The following PCDHA7 variants were observed in gnomAD, a reference collection of about 807,000 sequenced individuals.
PCDHA7 encodes the protein protocadherin alpha-7.
A neutral mutation model predicts 57.2 loss-of-function variants in PCDHA7; 37 were observed. The ratio of observed to expected loss-of-function variants is 0.65; its 90% CI spans 0.50 to 0.85. The LOEUF (loss-of-function observed/expected upper bound fraction) is 0.85. Ranked by LOEUF, PCDHA7 falls within the 40% of genes least tolerant of loss-of-function variation. PCDHA7 has a pLI of 0.00. For synonymous variants in PCDHA7, 553 were observed against 558.8 expected, an observed-to-expected ratio of 0.99 and a Z score of 0.15; for missense variants, 1,188 against 1,241.8, an observed-to-expected ratio of 0.96 and a Z score of 0.65.
At chr5:140,963,701 AG>A (rs1226096855) in intron 1 of PCDHA7, among the ~76,000 whole-genome samples, 2 of 152,218 alleles carry the variant, frequency 1.3e-5, no homozygotes, top group Non-Finnish European at 1.5e-5. Flanking sequence ...TGATATCTAA[AG>A]GGCCATGCTA....
intron 1 of PCDHA7, chr5:140,876,174 T>A: frequency 6.2e-7 from 1 of 1,613,934 alleles, no homozygotes; most frequent in Non-Finnish European, 8.5e-7. Context: ...CCGTCCTGGA[T>A]GTGAATGACA....
chr5:140,843,146 T>C (rs2150353849), intron 1 of PCDHA7: 3 of 1,596,012 alleles, frequency 1.9e-6, no homozygotes, highest in Admixed American at 3.4e-5. Context: ...GTGGCTTTCG[T>C]ATGAGCTGCA....
intron 1 of PCDHA7, chr5:140,841,359 G>A (rs2150314214): frequency 6.2e-7 from 1 of 1,613,176 alleles, no homozygotes; most frequent in Non-Finnish European, 8.5e-7. Flanking sequence ...GGATCCTGGC[G>A]ACTACTACTC....
rs1554263082 is a variant in PCDHA7 at position 141,010,709 on chromosome 5, TG to T, written c.*773del. 2 of 154,830 alleles carry T rather than the reference TG, an allele frequency of 1.3e-5. No individual in the cohort carries two copies. Among genetic ancestry groups the T allele is most frequent in the African/African-American group, 2.4e-5 (1 of 41,516 alleles). The allele number at this position is 154,830 out of a possible 1,614,324, so 9.6% of individuals were successfully genotyped here. On this transcript the variant is annotated 3_prime_UTR_variant, in exon 4 of 4. Transcript: ENST00000525929. Reference sequence around the variant, plus strand: ...TCTGATGTGTTTCCTATACATGTCCTGTGCTCACTTTATTAAAAATTCTTTT... The same window carrying T: ...TCTGATGTGTTTCCTATACATGTCCTTGCTCACTTTATTAAAAATTCTTTT...
intron 1 of PCDHA7, among the ~76,000 whole-genome samples, chr5:140,837,545 T>C (rs1775114799): frequency 6.6e-6 from 1 of 151,994 alleles, no homozygotes; most frequent in Non-Finnish European, 1.5e-5. Context: ...AGATTATTAT[T>C]GCCAAATTAT....
chr5:140,905,948 G>A (rs2072228532), intron 1 of PCDHA7, among the ~76,000 whole-genome samples: 3 of 152,180 alleles, frequency 2.0e-5, no homozygotes, highest in Non-Finnish European at 4.4e-5. Flanking sequence ...CTTGGAATCC[G>A]ATGTTCAAGG....
At chr5:140,875,254 T>A in intron 1 of PCDHA7, 1 of 1,054,680 alleles carries the variant, frequency 9.5e-7, no homozygotes, top group Non-Finnish European at 1.3e-6. Context: ...ATCAGTCACA[T>A]GATGTCGCTC....
chr5:141,000,393 CTCTA>C (rs1240848742), intron 3 of PCDHA7, among the ~76,000 whole-genome samples: 128 of 52,788 alleles, frequency 2.4e-3, no homozygotes, highest in Admixed American at 6.8e-3. Context: ...CTCTCTCTCT[CTCTA>C]TATATATATA....
chr5:140,857,483 T>C lies in PCDHA7; in HGVS notation c.2355+20745T>C, dbSNP rs781790244. 2.8e-5 allele frequency: 44 copies of C among 1,598,450 alleles called. 2 individuals carry two copies. Among genetic ancestry groups the C allele is most frequent in the Non-Finnish European group, 3.2e-5 (37 of 1,167,868 alleles). On this transcript the variant is annotated intron_variant, in intron 1 of 3. Transcript: ENST00000525929. ...CTGCCACATCTTCACGGTGTCTGCG[T>C]GGGACGCGGACGCGCAGGAGAACGC...
intron 1 of PCDHA7, among the ~76,000 whole-genome samples, chr5:140,923,820 C>T (rs892649324): frequency 5.3e-4 from 80 of 152,224 alleles, no homozygotes; most frequent in African/African-American, 1.6e-3. Context: ...TGAAAATAGA[C>T]GTCAGTGGCA....
rs531946864 is a variant in PCDHA7, at chr5:140,866,396, C to T, written c.2355+29658C>T. 5.3e-5 allele frequency: 8 copies of T among 152,156 alleles called. No individual in the cohort carries two copies. In the East Asian group the frequency reaches 9.6e-4, roughly 18 times the overall value. 9.4% of individuals were successfully genotyped at this position (152,156 alleles called of 1,614,324 possible). A position where few individuals can be genotyped will look rare whatever the true frequency, so the allele number is the denominator to read the frequency against. The stretch of plus-strand genomic sequence containing the variant: ...AATAACAATTTTAAAGACATAGATT[C>T]CCATGAAAATCTTCAAATGTGTGTA... On this transcript the variant is annotated intron_variant, in intron 1 of 3. Transcript: ENST00000525929.
intron 1 of PCDHA7, chr5:140,863,096 G>A (rs1554157719): frequency 5.2e-6 from 3 of 578,170 alleles, no homozygotes; most frequent in South Asian, 1.4e-5. Flanking sequence ...AGCACGACGA[G>A]TACCCTGGAC....
intron 1 of PCDHA7, among the ~76,000 whole-genome samples, chr5:140,878,611 T>A (rs1167613009): frequency 2.0e-5 from 3 of 152,236 alleles, no homozygotes; most frequent in Non-Finnish European, 4.4e-5. Context: ...TCTTCTAATG[T>A]GCATTTTACA....
At chr5:140,931,235 C>T (rs1563126725) in intron 1 of PCDHA7, among the ~76,000 whole-genome samples, 1 of 152,116 alleles carries the variant, frequency 6.6e-6, no homozygotes, top group Non-Finnish European at 1.5e-5. Flanking sequence ...AATATGTGAA[C>T]ACTTTTCCTA....
At chr5:140,874,496 T>A (rs1352627184) in intron 1 of PCDHA7, among the ~76,000 whole-genome samples, 1 of 152,214 alleles carries the variant, frequency 6.6e-6, no homozygotes, top group Non-Finnish European at 1.5e-5. Context: ...TGATATCAAG[T>A]TCACATTCTC....
rs200797202 is a variant in PCDHA7 at position 140,937,911 on chromosome 5, C to CA, written c.2356-41022dup. On this transcript the variant is annotated intron_variant, in intron 1 of 3. Coordinates refer to ENST00000525929, the MANE Select transcript of PCDHA7 (RefSeq NM_018910.3). ...TGGGCGACAGAGTGAGACTCCGTCT[C>CA]AAAAAAAAAAAAAAAAGTTTAATTT... 3.1e-3 allele frequency among the ~76,000 whole-genome samples: 361 copies of CA among 117,828 alleles called. 2 individuals are homozygous for CA. In the East Asian group the frequency reaches 0.042, roughly 14 times the overall value. 77.3% of individuals were successfully genotyped at this position (117,828 alleles called of 152,430 possible).
intron 1 of PCDHA7, chr5:140,868,005 T>C (rs1405523098): frequency 6.6e-6 from 1 of 152,108 alleles, no homozygotes; most frequent in East Asian, 1.9e-4. Flanking sequence ...TATAACTGAA[T>C]TAGATTAAGG....
At chr5:140,851,776 A>G (rs2042157879) in intron 1 of PCDHA7, 1 of 964,146 alleles carries the variant, frequency 1.0e-6, no homozygotes, top group South Asian at 4.8e-5. Flanking sequence ...TTATGAATTT[A>G]GATGAGAATT....
chr5:140,966,490 T>C lies in PCDHA7; in HGVS notation c.2356-12459T>C, dbSNP rs533525977. 6.2e-5 allele frequency: 27 copies of C among 438,082 alleles called. No individual in the cohort carries two copies. In the Admixed American group the frequency reaches 1.1e-3, roughly 18 times the overall value. The allele number at this position is 438,082 out of a possible 1,614,324, so 27.1% of individuals were successfully genotyped here. On this transcript the variant is annotated intron_variant, in intron 1 of 3. Coordinates refer to ENST00000525929, the MANE Select transcript of PCDHA7 (RefSeq NM_018910.3). ...CCTTCTGTTTCCTTTTCCCTCCCCC[T>C]GGAGCTGTAGCGGCAGCAGCAGCAG... is the stretch of plus-strand genomic sequence containing the variant.
Sources: gnomAD v4.1 joint callset for allele counts (sites outside exome capture counted in the v4.1 genomes callset) on GRCh38, gnomAD v4.1.1 for gene constraint, MANE v1.5 for transcripts, NCBI Gene and HGNC (gene_info 2026-07-23, HGNC 2026-07-21) for gene names.